ADGRL3: variants seen among roughly 807,000 people sequenced by gnomAD.
ADGRL3 encodes adhesion G protein-coupled receptor L3.
In ADGRL3, 62 loss-of-function variants were observed where a neutral mutation model predicts 153.5. That is an observed-to-expected ratio of 0.40 (90% CI 0.33 to 0.50). The LOEUF is 0.50. Ranked by LOEUF, ADGRL3 falls within the 20% of genes least tolerant of loss-of-function variation. The pLI is 0.47. For missense variants in ADGRL3, 1,641 were observed against 1,859.4 expected (o/e 0.88, Z 2.16); for synonymous variants, 710 against 672.5 (o/e 1.06, Z -0.86).
intron 19 of ADGRL3, among the ~76,000 whole-genome samples, chr4:61,994,770 C>CAT (rs559159979): frequency 4.7e-4 from 71 of 151,784 alleles, no homozygotes; most frequent in Admixed American, 1.3e-3. Flanking sequence ...CATTAAATAA[C>CAT]ATATATATAT....
At chr4:61,894,969 A>G (rs1221036467) in intron 10 of ADGRL3, among the ~76,000 whole-genome samples, 1 of 152,220 alleles carries the variant, frequency 6.6e-6, no homozygotes, top group Non-Finnish European at 1.5e-5. Context: ...ACAACTCCCC[A>G]GTCCAGTAGA....
At chr4:61,392,190 T>C (rs145200010) in intron 2 of ADGRL3, among the ~76,000 whole-genome samples, 1,667 of 151,980 alleles carry the variant, frequency 0.011, 26 homozygotes, top group South Asian at 0.02. Flanking sequence ...TTTATGATAT[T>C]TTCCTTCCAT....
intron 13 of ADGRL3, among the ~76,000 whole-genome samples, chr4:61,927,563 TTAATAA>T (rs2098799767): frequency 6.6e-6 from 1 of 152,116 alleles, no homozygotes; most frequent in Non-Finnish European, 1.5e-5. Flanking sequence ...TTTTATATAC[TTAATAA>T]TATTAAATGA....
At chr4:61,581,670 C>T (rs1231972535) in intron 4 of ADGRL3, among the ~76,000 whole-genome samples, 1 of 152,044 alleles carries the variant, frequency 6.6e-6, no homozygotes, top group African/African-American at 2.4e-5. Context: ...CCTTTTAACT[C>T]TCAAATTGAT....
At chr4:61,914,721 T>C (rs1474189959) in intron 13 of ADGRL3, among the ~76,000 whole-genome samples, 1 of 152,142 alleles carries the variant, frequency 6.6e-6, no homozygotes, top group African/African-American at 2.4e-5. Context: ...CTGGGTAGTA[T>C]AGAATTGAGA....
chr4:61,260,161 CT>C (rs1343169071), intron 1 of ADGRL3, among the ~76,000 whole-genome samples: 1 of 152,028 alleles, frequency 6.6e-6, no homozygotes, highest in African/African-American at 2.4e-5. Flanking sequence ...AATAATAAAC[CT>C]GTAAATATAT....
At chr4:61,303,119 C>T (rs1343849783) in intron 1 of ADGRL3, among the ~76,000 whole-genome samples, 2 of 152,072 alleles carry the variant, frequency 1.3e-5, no homozygotes, top group Non-Finnish European at 2.9e-5. Context: ...AATTTAGAAC[C>T]ATTGTTGATA....
At chr4:61,252,690 C>CTTTT (rs5858685) in intron 1 of ADGRL3, among the ~76,000 whole-genome samples, 1 of 148,018 alleles carries the variant, frequency 6.8e-6, no homozygotes, top group African/African-American at 2.5e-5. Context: ...ATTAGATGAA[C>CTTTT]TTTTTTTTTT....
chr4:61,506,187 G>C (rs921506782), intron 3 of ADGRL3, among the ~76,000 whole-genome samples: 1 of 151,898 alleles, frequency 6.6e-6, no homozygotes, highest in African/African-American at 2.4e-5. Context: ...CTTTGTTATA[G>C]TATGAGGATT....
chr4:61,817,598 C>T (rs1166337394), intron 9 of ADGRL3, among the ~76,000 whole-genome samples: 2 of 152,078 alleles, frequency 1.3e-5, no homozygotes, highest in Non-Finnish European at 2.9e-5. Flanking sequence ...AATGAAGCTC[C>T]TGTCCACCTT....
intron 1 of ADGRL3, among the ~76,000 whole-genome samples, chr4:61,354,860 A>T (rs1254356061): frequency 6.6e-6 from 1 of 152,116 alleles, no homozygotes; most frequent in East Asian, 1.9e-4. Context: ...TGCCTTGAAC[A>T]GTGGTATAGT....
At chr4:61,694,698 C>T (rs1189772606) in intron 6 of ADGRL3, among the ~76,000 whole-genome samples, 1 of 152,104 alleles carries the variant, frequency 6.6e-6, no homozygotes, top group African/African-American at 2.4e-5. Flanking sequence ...AAGTTTGTCA[C>T]ATGGACTGAC....
chr4:61,651,052 C>A (rs1272788624), intron 5 of ADGRL3, among the ~76,000 whole-genome samples: 1 of 152,084 alleles, frequency 6.6e-6, no homozygotes, highest in Non-Finnish European at 1.5e-5. Flanking sequence ...TACTCAGCCT[C>A]AATTCTTATG....
chr4:61,415,573 T>G (rs1420408792), intron 2 of ADGRL3, among the ~76,000 whole-genome samples: 1 of 152,076 alleles, frequency 6.6e-6, no homozygotes, highest in Non-Finnish European at 1.5e-5. Context: ...TAAAATATAG[T>G]GATGGTAATT....
chr4:61,248,407 CTCAG>C (rs1259170725), intron 1 of ADGRL3, among the ~76,000 whole-genome samples: 3 of 152,082 alleles, frequency 2.0e-5, no homozygotes, highest in Admixed American at 6.6e-5. Flanking sequence ...TTTTCACTGC[CTCAG>C]TCAATTTATT....
chr4:61,916,726 G>A (rs2098746760), intron 13 of ADGRL3, among the ~76,000 whole-genome samples: 2 of 152,122 alleles, frequency 1.3e-5, no homozygotes, highest in South Asian at 4.1e-4. Flanking sequence ...GCCAAGGTGG[G>A]CAGATCACTT....
intron 11 of ADGRL3, among the ~76,000 whole-genome samples, chr4:61,904,317 C>A (rs1477598471): frequency 1.3e-5 from 2 of 150,990 alleles, no homozygotes; most frequent in East Asian, 4.0e-4. Flanking sequence ...ATGAATTTGC[C>A]TGGCTATTTT....
rs771554900 is a variant in ADGRL3 at position 62,028,834 on chromosome 4, TTATGTC to T, written c.3396-16_3396-11del. On this transcript the variant is annotated splice_polypyrimidine_tract_variant and intron_variant, in intron 21 of 26. Coordinates refer to ENST00000683033, the MANE Select transcript of ADGRL3 (RefSeq NM_001387552.1). ...AATGCTAATGTTGGTGTTCTTGTCT[TTATGTC>T]TATGCATTCTTTAGCTATGAGGATA... The T allele has an allele frequency of 7.5e-6, 12 of 1,597,044 alleles. No individual in the cohort carries two copies. The highest frequency in any genetic ancestry group is 1.0e-5 in the Non-Finnish European group (12 of 1,169,644).
intron 5 of ADGRL3, among the ~76,000 whole-genome samples, chr4:61,651,371 T>A (rs1311256345): frequency 6.6e-6 from 1 of 152,166 alleles, no homozygotes; most frequent in Non-Finnish European, 1.5e-5. Flanking sequence ...TATTATTTCC[T>A]AAATCAAAAA....
Sources: gnomAD v4.1 joint callset for allele counts (sites outside exome capture counted in the v4.1 genomes callset) on GRCh38, gnomAD v4.1.1 for gene constraint, MANE v1.5 for transcripts, NCBI Gene and HGNC (gene_info 2026-07-23, HGNC 2026-07-21) for gene names.